Variants in AK9 observed in about 807,000 individuals in gnomAD.
The protein encoded by AK9 is adenylate kinase domain containing 1.
Under a neutral mutation model 239.6 loss-of-function variants are expected in AK9, and 191 were observed. That is an observed-to-expected ratio of 0.80 (90% CI 0.71 to 0.90). The LOEUF (loss-of-function observed/expected upper bound fraction) is 0.90, where lower values mean the gene tolerates loss of function less well. Ranked by LOEUF, AK9 falls within the 40% of genes least tolerant of loss-of-function variation. The probability of loss-of-function intolerance (pLI) is 0.00; values close to 1 mark genes in which losing one functional copy is unlikely to be tolerated. For synonymous variants in AK9, 689 were observed against 721.0 expected, an observed-to-expected ratio of 0.96 and a Z score of 0.71; for missense variants, 1,995 against 2,214.7, an observed-to-expected ratio of 0.90 and a Z score of 1.99.
At chr6:109,602,308 G>T (rs1251902342) in intron 17 of AK9, among the ~76,000 whole-genome samples, 4 of 152,106 alleles carry the variant, frequency 2.6e-5, no homozygotes, top group African/African-American at 9.7e-5. Context: ...GTCTATAAAG[G>T]ATTTTATTTC....
At position 109,505,380 on chromosome 6, in the gene AK9, A is replaced by G. The variant is rs1778009092; in HGVS notation, c.4849+947T>C. On this transcript the variant is annotated intron_variant, in intron 35 of 40. Coordinates refer to ENST00000424296, the MANE Select transcript of AK9 (RefSeq NM_001145128.3). ...AGTCATCACTCTTTTTAGAGATATC[A>G]GATGTAGATAACTTTCCTTGTATTT... Among the ~76,000 whole-genome samples, 3 of 152,252 alleles carry G rather than the reference A, an allele frequency of 2.0e-5. No individual in the cohort carries two copies. The South Asian group carries it at 6.2e-4, about 31-fold the overall frequency.
chr6:109,532,569 G>A (rs910951524), intron 28 of AK9, among the ~76,000 whole-genome samples: 3 of 152,144 alleles, frequency 2.0e-5, no homozygotes, highest in Non-Finnish European at 4.4e-5. Context: ...CCATGTTACA[G>A]GATGTATCAA....
intron 20 of AK9, among the ~76,000 whole-genome samples, chr6:109,576,151 T>C (rs1047590585): frequency 6.6e-6 from 1 of 152,104 alleles, no homozygotes; most frequent in African/African-American, 2.4e-5. Context: ...CTTGGCTATG[T>C]GGGATCTTTT....
intron 17 of AK9, among the ~76,000 whole-genome samples, chr6:109,587,344 T>C (rs1789635256): frequency 6.6e-6 from 1 of 152,194 alleles, no homozygotes; most frequent in Non-Finnish European, 1.5e-5. Flanking sequence ...AACTTATAAT[T>C]TCTCCACCTC....
At chr6:109,516,154 G>T in intron 30 of AK9, 79 bp from the exon 31 acceptor site, 1 of 1,209,340 alleles carries the variant, frequency 8.3e-7, no homozygotes, top group Non-Finnish European at 1.2e-6. Flanking sequence ...TGTAGACACT[G>T]CTGGTGACTG....
At chr6:109,568,333 G>A (rs1229327022) in intron 21 of AK9, among the ~76,000 whole-genome samples, 2 of 152,084 alleles carry the variant, frequency 1.3e-5, no homozygotes, top group Admixed American at 1.3e-4. Flanking sequence ...TACTGAATGG[G>A]CAAAAACTGG....
intron 35 of AK9, among the ~76,000 whole-genome samples, chr6:109,501,317 A>G (rs1005194321): frequency 1.3e-5 from 2 of 152,152 alleles, no homozygotes; most frequent in African/African-American, 4.8e-5. Flanking sequence ...GTGGGGGTCC[A>G]GGAGATGATG....
At chr6:109,508,433 T>C (rs1778336647) in intron 33 of AK9, among the ~76,000 whole-genome samples, 1 of 152,150 alleles carries the variant, frequency 6.6e-6, no homozygotes, top group Non-Finnish European at 1.5e-5. Flanking sequence ...GGTAATTCAA[T>C]CTGGGTAAGT....
At chr6:109,688,934 T>C (rs1300277574) in intron 1 of AK9, among the ~76,000 whole-genome samples, 1 of 152,182 alleles carries the variant, frequency 6.6e-6, no homozygotes, top group African/African-American at 2.4e-5. Context: ...ACTCAGGGGA[T>C]TCTCTGAGAC....
At position 109,591,479 on chromosome 6, in the gene AK9, G is replaced by A. The variant is rs182952327; in HGVS notation, c.1843-5407C>T. On this transcript the variant is annotated intron_variant, in intron 17 of 40. Coordinates refer to ENST00000424296, the MANE Select transcript of AK9 (RefSeq NM_001145128.3). Reference sequence around the variant, plus strand: ...TTTTTTAAAAAAATCCATTCCATCAGCCAATATCTTTTAAGTGGAGCATTT... The same window carrying A: ...TTTTTTAAAAAAATCCATTCCATCAACCAATATCTTTTAAGTGGAGCATTT... Among the ~76,000 whole-genome samples, 8 of 152,100 alleles carry A rather than the reference G, an allele frequency of 5.3e-5. No individual in the cohort carries two copies. In the East Asian group the frequency reaches 1.2e-3, roughly 22 times the overall value.
chr6:109,576,064 G>T (rs957686149), intron 20 of AK9, among the ~76,000 whole-genome samples: 2 of 152,016 alleles, frequency 1.3e-5, no homozygotes, highest in African/African-American at 4.8e-5. Flanking sequence ...ATGCTGTTTT[G>T]GTAACTATAT....
At chr6:109,602,155 T>C (rs12205485) in intron 17 of AK9, among the ~76,000 whole-genome samples, 52,577 of 152,006 alleles carry the variant, frequency 0.35, 9,550 homozygotes, top group South Asian at 0.44. Context: ...TAGTTGATAG[T>C]TTCTTCCTAG....
At chr6:109,619,028 T>G (rs1462083524) in intron 13 of AK9, 64 bp downstream of exon 13, 1 of 1,481,560 alleles carries the variant, frequency 6.7e-7, no homozygotes, top group Non-Finnish European at 9.0e-7. Context: ...AAGTCCTTGC[T>G]TTCAAGTAGC....
chr6:109,619,134 C>T lies in AK9; in HGVS notation c.1357G>A (p.Val453Met). 1 of 1,545,846 alleles carries T rather than the reference C, an allele frequency of 6.5e-7. No homozygotes were observed. Among genetic ancestry groups the T allele is most frequent in the Non-Finnish European group, 8.7e-7 (1 of 1,144,714 alleles). ...AGTTCCCTGAGAAGCTTTTCTTTCACAACTTTAATTGCTGCTGCAGTGGCC... is the reference window on the plus strand; with the variant it reads ...AGTTCCCTGAGAAGCTTTTCTTTCATAACTTTAATTGCTGCTGCAGTGGCC... ...AEATAAAIKVVKEKLLRELQA... is the reference protein window; with the variant it reads ...AEATAAAIKVMKEKLLRELQA... The change falls in exon 13 of 41, where the codon GTG (valine) becomes ATG (methionine). Residue 453 changes from valine to methionine, a missense_variant. Physicochemically the swap from Val to Met is conservative, Grantham distance 21 (BLOSUM62 1). Transcript: ENST00000424296.
chr6:109,535,927 A>G (rs566207222), intron 27 of AK9, among the ~76,000 whole-genome samples: 45 of 152,158 alleles, frequency 3.0e-4, no homozygotes, highest in African/African-American at 1.0e-3. Context: ...GATGTGTGGT[A>G]TTACCTCTGA....
intron 21 of AK9, among the ~76,000 whole-genome samples, chr6:109,567,711 C>T (rs1397291147): frequency 8.1e-6 from 1 of 123,190 alleles, no homozygotes; most frequent in African/African-American, 3.2e-5. Context: ...GGAAGGGGAA[C>T]ATCACACACT....
In AK9 at chr6:109,680,284, C is replaced by A. The variant is rs139156036; in HGVS notation, c.-11-4528G>T. ...AATGACCTGACAGAGCTGAAAAACA[C>A]AGCACAAGAACTTCATGAAGCATAC... On this transcript the variant is annotated intron_variant, in intron 1 of 40. Transcript: ENST00000424296. Among the ~76,000 whole-genome samples, 1,045 of 152,224 alleles carry A rather than the reference C, an allele frequency of 6.9e-3. 13 individuals carry two copies. The highest frequency in any genetic ancestry group is 0.024 in the African/African-American group (1,011 of 41,524).
intron 17 of AK9, among the ~76,000 whole-genome samples, chr6:109,596,311 C>T (rs554258822): frequency 1.3e-5 from 2 of 152,288 alleles, no homozygotes; most frequent in African/African-American, 2.4e-5. Flanking sequence ...GGCACCAGCA[C>T]CAGCTCCAAG....
At chr6:109,579,387 A>G (rs1369787762) in intron 20 of AK9, 163 bp downstream of exon 20, 5 of 599,230 alleles carry the variant, frequency 8.3e-6, no homozygotes, top group Non-Finnish European at 1.5e-5. Context: ...ACACTTTAAG[A>G]ATAAAAGGTA....
Sources: gnomAD v4.1 joint callset for allele counts (sites outside exome capture counted in the v4.1 genomes callset) on GRCh38, gnomAD v4.1.1 for gene constraint, MANE v1.5 for transcripts, NCBI Gene and HGNC (gene_info 2026-07-23, HGNC 2026-07-21) for gene names.